The following LRBA variants were observed in gnomAD, a reference collection of about 807,000 sequenced individuals.
LRBA encodes lipopolysaccharide-responsive and beige-like anchor protein.
A neutral mutation model predicts 330.0 loss-of-function variants in LRBA; 176 were observed. That is an observed-to-expected ratio of 0.53 (90% CI 0.47 to 0.60). The LOEUF is 0.60. Ranked by LOEUF, LRBA falls within the 20% of genes least tolerant of loss-of-function variation. The pLI is 0.00. For synonymous variants in LRBA, 1,230 were observed against 1,193.0 expected (o/e 1.03, Z -0.64); for missense variants, 3,259 against 3,444.8 (o/e 0.95, Z 1.35).
At chr4:150,559,398 T>C (rs1194873747) in intron 40 of LRBA, among the ~76,000 whole-genome samples, 1 of 150,526 alleles carries the variant, frequency 6.6e-6, no homozygotes, top group Admixed American at 6.7e-5. Flanking sequence ...CCGTCTCTAC[T>C]AAAAATACAA....
chr4:150,963,773 T>C (rs1449963732), intron 2 of LRBA, among the ~76,000 whole-genome samples: 1 of 145,880 alleles, frequency 6.9e-6, no homozygotes, highest in East Asian at 2.0e-4. Context: ...TCGTCTGGGA[T>C]GTGAGGAGCC....
intron 50 of LRBA, among the ~76,000 whole-genome samples, chr4:150,319,108 T>A (rs1212431289): frequency 6.6e-6 from 1 of 152,156 alleles, no homozygotes; most frequent in Non-Finnish European, 1.5e-5. Context: ...CGTAGGGTCT[T>A]AAATGCTTAG....
At chr4:150,597,353 AT>A (rs1027602761) in intron 38 of LRBA, among the ~76,000 whole-genome samples, 2 of 151,910 alleles carry the variant, frequency 1.3e-5, no homozygotes, top group African/African-American at 4.8e-5. Context: ...ACTCTTCAAA[AT>A]GGTTAAATGT....
At chr4:150,587,876 T>C (rs1772313003) in intron 40 of LRBA, among the ~76,000 whole-genome samples, 172 bp downstream of exon 40, 1 of 152,164 alleles carries the variant, frequency 6.6e-6, no homozygotes, top group African/African-American at 2.4e-5. Context: ...ACTTCAATAA[T>C]CTAACTAACT....
At chr4:150,693,051 C>G (rs984046565) in intron 36 of LRBA, among the ~76,000 whole-genome samples, 1 of 152,108 alleles carries the variant, frequency 6.6e-6, no homozygotes, top group South Asian at 2.1e-4. Context: ...TAATGGTCTA[C>G]ATATTCGGAA....
At chr4:150,459,770 C>T (rs114041750) in intron 44 of LRBA, among the ~76,000 whole-genome samples, 3,182 of 151,988 alleles carry the variant, frequency 0.021, 51 homozygotes, top group Non-Finnish European at 0.035. Flanking sequence ...TGGCATACAA[C>T]AGCATCCATG....
intron 47 of LRBA, among the ~76,000 whole-genome samples, chr4:150,352,452 C>T (rs189592892): frequency 6.6e-6 from 1 of 152,286 alleles, no homozygotes; most frequent in African/African-American, 2.4e-5. Context: ...GCAATTCTCA[C>T]ATCCCAAAGT....
chr4:150,910,669 A>G (rs560910819), intron 9 of LRBA, among the ~76,000 whole-genome samples: 8 of 152,264 alleles, frequency 5.3e-5, no homozygotes, highest in Non-Finnish European at 1.2e-4. Context: ...GAGATTCCAC[A>G]TTAATTTTAG....
chr4:150,841,608 C>T (rs1749083784), intron 28 of LRBA, among the ~76,000 whole-genome samples: 1 of 151,812 alleles, frequency 6.6e-6, no homozygotes, highest in Non-Finnish European at 1.5e-5. Context: ...TTTATGTCGT[C>T]GATCTTAGGT....
At chr4:150,841,864 G>A (rs1446601414) in intron 28 of LRBA, among the ~76,000 whole-genome samples, 1 of 151,896 alleles carries the variant, frequency 6.6e-6, no homozygotes, top group Non-Finnish European at 1.5e-5. Context: ...CACCATGTTA[G>A]CCAGGATGGT....
At chr4:150,621,052 T>C (rs534984895) in intron 37 of LRBA, among the ~76,000 whole-genome samples, 62 of 152,004 alleles carry the variant, frequency 4.1e-4, no homozygotes, top group African/African-American at 1.4e-3. Flanking sequence ...AGCAATCTTA[T>C]GTTCTGGCTC....
chr4:150,639,793 ATATATATATATATGTGTGTGTGTGTG>A (rs1778394844), intron 37 of LRBA, among the ~76,000 whole-genome samples: 1 of 11,102 alleles, frequency 9.0e-5, no homozygotes, highest in Non-Finnish European at 1.5e-4. Flanking sequence ...GTGTGTGTGT[ATATATATATATATGTGTGTGTGTGTG>A]TATATATATA....
chr4:150,543,892 C>T (rs1765573871), intron 40 of LRBA, among the ~76,000 whole-genome samples: 1 of 152,068 alleles, frequency 6.6e-6, no homozygotes, highest in Admixed American at 6.6e-5. Flanking sequence ...TTAATATGTA[C>T]ATGTTATGAC....
chr4:150,619,802 A>G (rs1189027969), intron 37 of LRBA, among the ~76,000 whole-genome samples: 1 of 152,128 alleles, frequency 6.6e-6, no homozygotes, highest in African/African-American at 2.4e-5. Flanking sequence ...AAAATGATAA[A>G]TATGTACCCT....
chr4:150,462,095 T>A (rs920434765), intron 44 of LRBA, among the ~76,000 whole-genome samples: 2 of 151,790 alleles, frequency 1.3e-5, no homozygotes, highest in African/African-American at 2.4e-5. Context: ...AAGAAAATGT[T>A]GAATCTTATC....
chr4:150,803,066 CAAAA>C (rs763112831), intron 33 of LRBA, among the ~76,000 whole-genome samples: 8 of 54,586 alleles, frequency 1.5e-4, no homozygotes, highest in African/African-American at 4.9e-4. Context: ...CAAAAACAAA[CAAAA>C]AAAAAATATA....
At chr4:150,529,991 T>G (rs962926081) in intron 40 of LRBA, among the ~76,000 whole-genome samples, 4 of 152,200 alleles carry the variant, frequency 2.6e-5, no homozygotes, top group African/African-American at 9.6e-5. Flanking sequence ...ATCCTTGCAT[T>G]CCAAAATGTA....
intron 38 of LRBA, among the ~76,000 whole-genome samples, chr4:150,598,388 T>C (rs1403013155): frequency 7.9e-5 from 12 of 152,170 alleles, no homozygotes; most frequent in Non-Finnish European, 1.5e-5. Flanking sequence ...CTAAACTGAA[T>C]CATAGTCATA....
intron 34 of LRBA, among the ~76,000 whole-genome samples, chr4:150,764,156 A>G (rs1735452896): frequency 6.6e-6 from 1 of 151,946 alleles, no homozygotes; most frequent in Non-Finnish European, 1.5e-5. Context: ...CTTTCTTGCT[A>G]GAAAAAAAGA....
Sources: allele counts gnomAD v4.1 joint callset (sites outside exome capture counted in the v4.1 genomes callset), GRCh38; gene constraint gnomAD v4.1.1; transcripts MANE v1.5; gene names NCBI Gene and HGNC (gene_info 2026-07-23, HGNC 2026-07-21).